The following AGBL1 variants were observed in gnomAD, a reference collection of about 807,000 sequenced individuals.
AGBL1 encodes the protein AGBL carboxypeptidase 1.
AGBL1 carries 130 observed loss-of-function variants against 118.9 expected under a neutral mutation model. That is an observed-to-expected ratio of 1.09 (90% confidence interval 0.95 to 1.26). The LOEUF is 1.26. AGBL1 is among the 50% of genes most tolerant of loss of function. The pLI is 0.00. For missense variants in AGBL1, 1,584 were observed against 1,298.1 expected (o/e 1.22, Z -3.38); for synonymous variants, 555 against 478.9 (o/e 1.16, Z -2.08).
chr15:86,309,758 C>A (rs762443924), intron 17 of AGBL1, among the ~76,000 whole-genome samples: 5 of 152,086 alleles, frequency 3.3e-5, no homozygotes, highest in Non-Finnish European at 7.4e-5. Context: ...TGTTGAACAT[C>A]CTTGCAGCCT....
chr15:86,264,917 TTCTAC>T, intron 11 of AGBL1, 79 bp downstream of exon 11: 2 of 1,275,656 alleles, frequency 1.6e-6, no homozygotes, highest in Non-Finnish European at 2.1e-6. Context: ...GTACAGATAA[TTCTAC>T]TATCTATAGG....
chr15:86,996,091 C>T (rs2081377879), intron 24 of AGBL1, among the ~76,000 whole-genome samples: 1 of 152,196 alleles, frequency 6.6e-6, no homozygotes, highest in Admixed American at 6.5e-5. Context: ...ATCATGTGGG[C>T]TGATGACACT....
intron 21 of AGBL1, among the ~76,000 whole-genome samples, chr15:86,562,835 T>G (rs909880534): frequency 6.7e-6 from 1 of 149,778 alleles, no homozygotes; most frequent in Admixed American, 6.7e-5. Flanking sequence ...GTTATTGGTC[T>G]ATTCAGGGAA....
At chr15:86,271,573 C>G (rs761353497) in intron 14 of AGBL1, 46 bp from the exon 15 acceptor site, 1 of 1,479,506 alleles carries the variant, frequency 6.8e-7, no homozygotes, top group Admixed American at 1.7e-5. Context: ...TGGCCCAGAA[C>G]AACTCTCTTT....
At chr15:86,246,113 G>A (rs1261850086) in intron 6 of AGBL1, among the ~76,000 whole-genome samples, 1 of 152,144 alleles carries the variant, frequency 6.6e-6, no homozygotes, top group African/African-American at 2.4e-5. Context: ...CCAAACTCCT[G>A]GCCTCAAGCC....
chr15:86,678,494 T>A lies in AGBL1; in HGVS notation c.3158+4058T>A, dbSNP rs528045658. Among the ~76,000 whole-genome samples the A allele has an allele frequency of 4.7e-4, 72 of 152,202 alleles. No homozygotes were observed. The East Asian group carries it at 7.0e-3, about 15-fold the overall frequency. On this transcript the variant is annotated intron_variant, in intron 22 of 22. Transcript: ENST00000614907. ...TTATTCTGTTAACCATCCCTTTTTT[T>A]AAAAAAGTTATATTTACATTTAATT...
chr15:86,235,060 C>T lies in AGBL1; in HGVS notation c.526+10109C>T, dbSNP rs1472843092. Among the ~76,000 whole-genome samples the T allele has an allele frequency of 2.6e-5, 4 of 152,180 alleles. No individual in the cohort carries two copies. The East Asian group carries it at 7.7e-4, about 29-fold the overall frequency. ...GTTCTGTCACAGCTACTTAACTCTT[C>T]CCTTATAGGACAAAAACAGCAACAG... On this transcript the variant is annotated intron_variant, in intron 6 of 22. Transcript: ENST00000614907.
At chr15:86,970,712 T>C (rs1009106912) in intron 23 of AGBL1, among the ~76,000 whole-genome samples, 4 of 151,994 alleles carry the variant, frequency 2.6e-5, no homozygotes, top group Admixed American at 2.6e-4. Flanking sequence ...CAAAATTCAG[T>C]ATGTTCCTAC....
At chr15:86,482,801 C>T (rs904046764) in intron 18 of AGBL1, among the ~76,000 whole-genome samples, 1 of 151,970 alleles carries the variant, frequency 6.6e-6, no homozygotes, top group African/African-American at 2.4e-5. Context: ...AATCATTTTG[C>T]TTTACATGAT....
intron 17 of AGBL1, among the ~76,000 whole-genome samples, chr15:86,329,291 C>A (rs1012885992): frequency 1.3e-5 from 2 of 152,038 alleles, no homozygotes; most frequent in Non-Finnish European, 1.5e-5. Flanking sequence ...AGCCACCCCA[C>A]CCTCATGGAC....
At chr15:86,186,618 C>G (rs1181819982) in intron 5 of AGBL1, among the ~76,000 whole-genome samples, 1 of 152,166 alleles carries the variant, frequency 6.6e-6, no homozygotes, top group Admixed American at 6.5e-5. Flanking sequence ...TTCTCGAGAG[C>G]CAGGCTGACA....
At chr15:87,011,187 G>T (rs2141780938) in intron 24 of AGBL1, among the ~76,000 whole-genome samples, 1 of 151,636 alleles carries the variant, frequency 6.6e-6, no homozygotes, top group East Asian at 1.9e-4. Context: ...CTTCCCATCT[G>T]CCAGCTAGAT....
At chr15:86,479,750 A>G (rs2082622953) in intron 18 of AGBL1, among the ~76,000 whole-genome samples, 1 of 152,204 alleles carries the variant, frequency 6.6e-6, no homozygotes, top group Non-Finnish European at 1.5e-5. Context: ...TACCCAAAAG[A>G]TTATAAATCA....
intron 9 of AGBL1, among the ~76,000 whole-genome samples, chr15:86,261,784 T>C (rs2078990358): frequency 6.6e-6 from 1 of 152,080 alleles, no homozygotes; most frequent in African/African-American, 2.4e-5. Flanking sequence ...TTCGAAATGG[T>C]GATCTATCAA....
At chr15:86,928,549 T>A (rs2080571622) in intron 23 of AGBL1, among the ~76,000 whole-genome samples, 1 of 152,210 alleles carries the variant, frequency 6.6e-6, no homozygotes, top group South Asian at 2.1e-4. Context: ...CACTATCACG[T>A]GCTGCAGAGC....
rs535277140 is a variant in AGBL1, at chr15:86,362,514, G to A, written c.2375-34852G>A. ...AGGTTTGCTTGAGGATCCATAATTC[G>A]GCTAAGTTCAGAGGGCCTGCTATAG... On this transcript the variant is annotated intron_variant, in intron 17 of 22. Coordinates refer to ENST00000614907, the MANE Select transcript of AGBL1 (RefSeq NM_001386094.1). Among the ~76,000 whole-genome samples the A allele has an allele frequency of 4.0e-4, 61 of 152,146 alleles. No individual in the cohort carries two copies. In the Middle Eastern group the frequency reaches 0.01, roughly 25 times the overall value.
At chr15:86,811,207 A>G (rs1004645673) in intron 22 of AGBL1, among the ~76,000 whole-genome samples, 4 of 152,218 alleles carry the variant, frequency 2.6e-5, no homozygotes, top group African/African-American at 7.2e-5. Flanking sequence ...CAATAGGCCA[A>G]GGAACTCAGT....
chr15:86,199,007 T>A (rs2077861795), intron 5 of AGBL1, among the ~76,000 whole-genome samples: 1 of 152,212 alleles, frequency 6.6e-6, no homozygotes, highest in African/African-American at 2.4e-5. Flanking sequence ...CTAAAAATAA[T>A]TTGTGGTGTA....
At chr15:86,465,488 G>A (rs1015690985) in intron 18 of AGBL1, among the ~76,000 whole-genome samples, 7 of 152,148 alleles carry the variant, frequency 4.6e-5, no homozygotes, top group African/African-American at 7.2e-5. Flanking sequence ...CTGCGGGGCC[G>A]GGAAGAACAG....
Sources: allele counts gnomAD v4.1 joint callset (sites outside exome capture counted in the v4.1 genomes callset), GRCh38; gene constraint gnomAD v4.1.1; transcripts MANE v1.5; gene names NCBI Gene and HGNC (gene_info 2026-07-23, HGNC 2026-07-21).